ZCCHC24: variants seen among roughly 807,000 people sequenced by gnomAD.
ZCCHC24 encodes the protein zinc finger CCHC-type containing 24.
ZCCHC24 carries 10 observed loss-of-function variants against 26.2 expected under a neutral mutation model. The observed-to-expected ratio is 0.38, with a 90% CI of 0.24 to 0.65. The LOEUF is 0.65. Ranked by LOEUF, ZCCHC24 falls within the 30% of genes least tolerant of loss-of-function variation. ZCCHC24 has a pLI of 0.54. For synonymous variants in ZCCHC24, 144 were observed against 147.1 expected (o/e 0.98, Z 0.15); for missense variants, 243 against 329.1 (o/e 0.74, Z 2.03).
chr10:79,386,934 A>G (rs1258092633), intron 3 of ZCCHC24, among the ~76,000 whole-genome samples: 2 of 152,154 alleles, frequency 1.3e-5, no homozygotes, highest in Non-Finnish European at 2.9e-5. Context: ...GGCCCACAGC[A>G]ACGGAGGCCT....
At chr10:79,409,060 A>G (rs1449127224) in intron 2 of ZCCHC24, 1 of 152,236 alleles carries the variant, frequency 6.6e-6, no homozygotes, top group African/African-American at 2.4e-5. Flanking sequence ...CTGCCCTGCC[A>G]TGGCCGGGGG....
At chr10:79,429,016 C>T (rs368473311) in intron 2 of ZCCHC24, among the ~76,000 whole-genome samples, 1 of 152,116 alleles carries the variant, frequency 6.6e-6, no homozygotes, top group South Asian at 2.1e-4. Context: ...AAAGCCCGGG[C>T]GCAGACGGCA....
intron 3 of ZCCHC24, among the ~76,000 whole-genome samples, chr10:79,388,746 C>T (rs551404497): frequency 2.7e-4 from 41 of 152,238 alleles, no homozygotes; most frequent in African/African-American, 9.9e-4. Flanking sequence ...TGGCAAAGTA[C>T]TGCCACCTAA....
At chr10:79,411,343 C>T (rs534566070) in intron 2 of ZCCHC24, among the ~76,000 whole-genome samples, 2 of 152,208 alleles carry the variant, frequency 1.3e-5, no homozygotes, top group African/African-American at 4.8e-5. Context: ...ACACACTCCC[C>T]TGCAGGTGAG....
At chr10:79,442,932 G>A (rs1205158467) in intron 1 of ZCCHC24, among the ~76,000 whole-genome samples, 1 of 152,118 alleles carries the variant, frequency 6.6e-6, no homozygotes, top group Non-Finnish European at 1.5e-5. Context: ...CCGGAAGTCA[G>A]CAGGCACAGC....
intron 2 of ZCCHC24, among the ~76,000 whole-genome samples, chr10:79,397,807 G>A (rs1856566570): frequency 6.6e-6 from 1 of 152,210 alleles, no homozygotes; most frequent in Non-Finnish European, 1.5e-5. Context: ...GGTACCAGAA[G>A]GAGGGGTCAA....
chr10:79,445,487 C>T lies in ZCCHC24; in HGVS notation c.-47G>A. The T allele has an allele frequency of 1.5e-6, 2 of 1,310,840 alleles. No individual in the cohort carries two copies. The highest frequency in any genetic ancestry group is 3.7e-5 in the Admixed American group (1 of 26,820). The allele number at this position is 1,310,840 out of a possible 1,614,324, so 81.2% of individuals were successfully genotyped here. ...CCTCCCCGGCCGCCCGCTCGCGGCC[C>T]CCCTCCGCAGCGGAGGGGCGGGCAC... On this transcript the variant is annotated 5_prime_UTR_variant, in exon 1 of 4. Transcript: ENST00000372336.
intron 2 of ZCCHC24, among the ~76,000 whole-genome samples, chr10:79,427,259 C>T (rs759336834): frequency 2.0e-5 from 3 of 152,044 alleles, no homozygotes; most frequent in Non-Finnish European, 4.4e-5. Context: ...TTAAATATCC[C>T]CACTTAAAAT....
intron 2 of ZCCHC24, among the ~76,000 whole-genome samples, chr10:79,407,904 G>T (rs370510205): frequency 2.0e-5 from 3 of 151,888 alleles, no homozygotes; most frequent in African/African-American, 7.3e-5. Flanking sequence ...CAGTGGCGGC[G>T]GGGTACTGGG....
At chr10:79,420,824 T>G (rs1380597824) in intron 2 of ZCCHC24, among the ~76,000 whole-genome samples, 2 of 152,130 alleles carry the variant, frequency 1.3e-5, no homozygotes, top group African/African-American at 4.8e-5. Context: ...TCCTAAGAGT[T>G]ACTACTTGCA....
intron 2 of ZCCHC24, among the ~76,000 whole-genome samples, chr10:79,423,585 A>ATATATATT (rs201842826): frequency 2.0e-4 from 18 of 89,396 alleles, no homozygotes; most frequent in African/African-American, 7.2e-4. Context: ...TATATACTAT[A>ATATATATT]TATATATATA....
At chr10:79,401,786 C>T (rs1176250230) in intron 2 of ZCCHC24, among the ~76,000 whole-genome samples, 1 of 152,236 alleles carries the variant, frequency 6.6e-6, no homozygotes, top group Non-Finnish European at 1.5e-5. Flanking sequence ...CCGACCCCAC[C>T]GTGCGTCCAG....
chr10:79,426,932 A>AAAG (rs1857035297), intron 2 of ZCCHC24, among the ~76,000 whole-genome samples: 1 of 152,204 alleles, frequency 6.6e-6, no homozygotes, highest in Non-Finnish European at 1.5e-5. Flanking sequence ...GATCAACTAT[A>AAAG]TGCTATCTAC....
intron 2 of ZCCHC24, 103 bp downstream of exon 2, chr10:79,432,455 G>T: frequency 1.6e-6 from 2 of 1,227,116 alleles, no homozygotes; most frequent in Non-Finnish European, 2.2e-6. Context: ...CTCATTGGTG[G>T]AAGGGGCCCT....
intron 2 of ZCCHC24, among the ~76,000 whole-genome samples, chr10:79,414,048 T>C (rs1564636155): frequency 6.6e-6 from 1 of 152,082 alleles, no homozygotes; most frequent in Non-Finnish European, 1.5e-5. Flanking sequence ...GGGTCTCTGT[T>C]CTCCCCACCC....
At chr10:79,423,990 C>CCTGG (rs902850130) in intron 2 of ZCCHC24, among the ~76,000 whole-genome samples, 1 of 148,710 alleles carries the variant, frequency 6.7e-6, no homozygotes, top group African/African-American at 2.5e-5. Context: ...TGCACTCCAG[C>CCTGG]CTGGGCAACA....
rs1320869481 is a variant in ZCCHC24, at chr10:79,432,652, G to A, written c.353C>T (p.Thr118Ile). The change falls in exon 2 of 4, where the codon ACC (threonine) becomes ATC (isoleucine). Residue 118 changes from threonine to isoleucine, a missense_variant. By Grantham distance (89) the Thr-to-Ile change is moderately conservative. This residue lies in a region of ZCCHC24 where 96 missense variants were observed against 178.3 expected (regional missense o/e 0.54). Transcript: ENST00000372336. ...CTTGCTGGGCTTGCGAGCCTCGGAG[G>A]TGAGGGTCAGGTCTGAGAAGTGCTC... ...LTEHFSDLTL[T>I]SEARKPSKRP... 1.6e-5 allele frequency: 26 copies of A among 1,609,664 alleles called. No homozygotes were observed. The highest frequency in any genetic ancestry group is 2.2e-5 in the Non-Finnish European group (26 of 1,178,192).
At chr10:79,407,748 G>A (rs553334869) in intron 2 of ZCCHC24, among the ~76,000 whole-genome samples, 104 of 152,356 alleles carry the variant, frequency 6.8e-4, no homozygotes, top group Non-Finnish European at 1.3e-3. Context: ...CAGGAAGTTA[G>A]GGTCAGAGCT....
In ZCCHC24 at chr10:79,432,663, G is replaced by C. The variant is rs1246259624; in HGVS notation, c.342C>G (p.Asp114Glu). Residue 114 changes from aspartate (D) to glutamate (E), a missense_variant, in exon 2 of 4, where the codon GAC (aspartate) becomes GAG (glutamate). Physicochemically the swap from Asp to Glu is conservative, Grantham distance 45. Transcript: ENST00000372336. The part of the protein sequence containing the change: ...GLSSLTEHFS[D>E]LTLTSEARKP... The stretch of plus-strand genomic sequence containing the variant: ...TGCGAGCCTCGGAGGTGAGGGTCAG[G>C]TCTGAGAAGTGCTCGGTGAGGGAGC... 2 of 1,609,838 alleles carry C rather than the reference G, an allele frequency of 1.2e-6. No homozygotes were observed. The highest frequency in any genetic ancestry group is 2.2e-5 in the South Asian group (2 of 90,526).
Sources: allele counts gnomAD v4.1 joint callset (sites outside exome capture counted in the v4.1 genomes callset), GRCh38; gene constraint gnomAD v4.1.1; regional missense constraint gnomAD v4.1.1; transcripts MANE v1.5; gene names NCBI Gene and HGNC (gene_info 2026-07-23, HGNC 2026-07-21).